SLC17A8: variants seen among roughly 807,000 people sequenced by gnomAD.
SLC17A8 encodes vesicular glutamate transporter 3.
SLC17A8 carries 31 observed loss-of-function variants against 58.0 expected under a neutral mutation model. The ratio of observed to expected loss-of-function variants is 0.53; its 90% CI spans 0.40 to 0.72. The LOEUF is 0.72. Among genes scored for constraint, SLC17A8 ranks in the 30% least tolerant of loss-of-function variants. SLC17A8 has a pLI of 0.00. For synonymous variants in SLC17A8, 228 were observed against 249.0 expected, an observed-to-expected ratio of 0.92 and a Z score of 0.79; for missense variants, 655 against 727.8, an observed-to-expected ratio of 0.90 and a Z score of 1.15.
At chr12:100,377,049 A>G (rs1369562657) in intron 1 of SLC17A8, among the ~76,000 whole-genome samples, 1 of 152,114 alleles carries the variant, frequency 6.6e-6, no homozygotes, top group Non-Finnish European at 1.5e-5. Flanking sequence ...ACCTCAGGTG[A>G]TCTGCCCACC....
Position 100,401,798 on chromosome 12 carries a change from T to C in SLC17A8, c.698T>C (p.Val233Ala). 6.2e-7 allele frequency: 1 copy of C among 1,613,822 alleles called. No homozygotes were observed. The highest frequency in any genetic ancestry group is 8.5e-7 in the Non-Finnish European group (1 of 1,179,730). The part of the protein sequence containing the change: ...SFCGSYAGAV[V>A]AMPLAGVLVQ... The stretch of plus-strand genomic sequence containing the variant: ...CCAGGTTCCTATGCAGGGGCAGTGG[T>C]TGCCATGCCCCTGGCTGGGGTGTTG... The change falls in exon 6 of 12, where the codon GTT becomes GCT. Residue 233 changes from valine (V) to alanine (A), a missense_variant. Transcript: ENST00000323346.
intron 1 of SLC17A8, among the ~76,000 whole-genome samples, chr12:100,363,003 TA>T (rs1952494797): frequency 6.6e-6 from 1 of 152,190 alleles, no homozygotes; most frequent in African/African-American, 2.4e-5. Context: ...GTGCCAAACA[TA>T]TTTCTTCCTG....
intron 2 of SLC17A8, among the ~76,000 whole-genome samples, chr12:100,390,491 TG>T (rs761278124): frequency 2.6e-5 from 4 of 151,584 alleles, no homozygotes; most frequent in Non-Finnish European, 5.9e-5. Flanking sequence ...GGAGTACAGG[TG>T]CCCGCCACCA....
rs189814251 is a variant in SLC17A8 at position 100,357,944 on chromosome 12, C to T, written c.101+452C>T. 6.6e-5 allele frequency among the ~76,000 whole-genome samples: 10 copies of T among 152,014 alleles called. No individual in the cohort carries two copies. In the East Asian group the frequency reaches 1.5e-3, roughly 23 times the overall value. ...TTTAATAAAATACATAAAGTGGTTCCTGATTGTATAGTTTGCAAAGAGAAG... is the reference window on the plus strand; with the variant it reads ...TTTAATAAAATACATAAAGTGGTTCTTGATTGTATAGTTTGCAAAGAGAAG... On this transcript the variant is annotated intron_variant, in intron 1 of 11. Transcript: ENST00000323346.
chr12:100,412,728 T>C, intron 9 of SLC17A8, 42 bp from the exon 10 acceptor site: 2 of 1,304,074 alleles, frequency 1.5e-6, no homozygotes, highest in Non-Finnish European at 2.2e-6. Flanking sequence ...GGTTGACCGA[T>C]ATGAAAATGA....
chr12:100,419,963 A>C lies in SLC17A8; in HGVS notation c.1574A>C (p.Gln525Pro), dbSNP rs780354818. Residue 525 changes from glutamine (Q) to proline (P), a missense_variant, in exon 12 of 12, where the codon CAG becomes CCG. Transcript: ENST00000323346. ...GAGGAGAAATGTGGAATCATTGACC[A>C]GGACGAATTAGCTGAGGAGATAGAA... ...LSEEKCGIID[Q>P]DELAEEIELN... is the part of the protein sequence containing the mutation. 6.2e-7 allele frequency: 1 copy of C among 1,614,190 alleles called. No individual in the cohort carries two copies. Among genetic ancestry groups the C allele is most frequent in the South Asian group, 1.1e-5 (1 of 91,086 alleles).
At chr12:100,398,012 G>T (rs1952764936) in intron 5 of SLC17A8, among the ~76,000 whole-genome samples, 1 of 151,340 alleles carries the variant, frequency 6.6e-6, no homozygotes, top group African/African-American at 2.4e-5. Flanking sequence ...TACAGCTTAG[G>T]TCTGTCTGAT....
intron 9 of SLC17A8, among the ~76,000 whole-genome samples, chr12:100,410,949 G>A (rs1323876829): frequency 6.6e-6 from 1 of 152,192 alleles, no homozygotes. Flanking sequence ...TCACAAGGCT[G>A]TGGTACTATC....
intron 9 of SLC17A8, among the ~76,000 whole-genome samples, chr12:100,405,759 G>GTCT (rs1188105199): frequency 5.9e-5 from 9 of 152,122 alleles, no homozygotes; most frequent in Non-Finnish European, 1.3e-4. Context: ...AGATCTTAAA[G>GTCT]ACCCCTAAGT....
chr12:100,376,323 G>T (rs553240626), intron 1 of SLC17A8, among the ~76,000 whole-genome samples: 1 of 152,142 alleles, frequency 6.6e-6, no homozygotes, highest in East Asian at 1.9e-4. Flanking sequence ...GATAGCACTG[G>T]GCATCTCTCA....
At chr12:100,361,577 A>G (rs1952484977) in intron 1 of SLC17A8, among the ~76,000 whole-genome samples, 1 of 152,200 alleles carries the variant, frequency 6.6e-6, no homozygotes, top group African/African-American at 2.4e-5. Context: ...TAGGTTCCCT[A>G]AAAAGCACAG....
intron 9 of SLC17A8, among the ~76,000 whole-genome samples, chr12:100,409,930 T>C (rs1952854632): frequency 6.6e-6 from 1 of 152,190 alleles, no homozygotes; most frequent in South Asian, 2.1e-4. Context: ...AGGTATTCAT[T>C]ATAGAACACT....
At chr12:100,412,979 A>G in intron 10 of SLC17A8, 99 bp downstream of exon 10, 2 of 943,150 alleles carry the variant, frequency 2.1e-6, no homozygotes, top group Non-Finnish European at 3.5e-6. Flanking sequence ...TTCAGTAGCC[A>G]GTCCATTCTC....
intron 1 of SLC17A8, among the ~76,000 whole-genome samples, chr12:100,360,435 AC>A: frequency 6.6e-6 from 1 of 152,282 alleles, no homozygotes; most frequent in East Asian, 1.9e-4. Context: ...TACTATAATT[AC>A]AACTTTTCTT....
chr12:100,372,755 G>T (rs1952566891), intron 1 of SLC17A8, among the ~76,000 whole-genome samples: 1 of 151,964 alleles, frequency 6.6e-6, no homozygotes, highest in Non-Finnish European at 1.5e-5. Flanking sequence ...ACTTTAGATA[G>T]GCTCTCTCTA....
At chr12:100,405,824 G>T (rs1417113825) in intron 9 of SLC17A8, among the ~76,000 whole-genome samples, 1 of 152,068 alleles carries the variant, frequency 6.6e-6, no homozygotes, top group South Asian at 2.1e-4. Flanking sequence ...TGAGTTTGTG[G>T]TAATTTATTA....
chr12:100,392,919 T>C (rs866404878), intron 3 of SLC17A8, among the ~76,000 whole-genome samples: 3 of 152,008 alleles, frequency 2.0e-5, no homozygotes, highest in South Asian at 2.1e-4. Context: ...GGATGGTAGG[T>C]CTCTAGCAAG....
At chr12:100,410,861 T>C (rs2136013205) in intron 9 of SLC17A8, among the ~76,000 whole-genome samples, 1 of 152,312 alleles carries the variant, frequency 6.6e-6, no homozygotes, top group African/African-American at 2.4e-5. Context: ...ATCGGACTTC[T>C]GGCTATCATT....
intron 3 of SLC17A8, among the ~76,000 whole-genome samples, chr12:100,391,804 C>T (rs1316333919): frequency 6.6e-6 from 1 of 152,070 alleles, no homozygotes; most frequent in African/African-American, 2.4e-5. Flanking sequence ...TGAAATGAAA[C>T]ATTGGACTAG....
Sources: allele counts gnomAD v4.1 joint callset (sites outside exome capture counted in the v4.1 genomes callset), GRCh38; gene constraint gnomAD v4.1.1; transcripts MANE v1.5; gene names NCBI Gene and HGNC (gene_info 2026-07-23, HGNC 2026-07-21).